Variants in SGCZ observed in about 807,000 individuals in gnomAD.
SGCZ encodes the protein zeta-sarcoglycan.
Under a neutral mutation model 41.3 loss-of-function variants are expected in SGCZ, and 40 were observed. That is an observed-to-expected ratio of 0.97 (90% confidence interval 0.75 to 1.26). The LOEUF (loss-of-function observed/expected upper bound fraction) is 1.26. Ranked by LOEUF, SGCZ falls within the 50% of genes most tolerant of loss-of-function variation. The pLI is 0.00. For missense variants in SGCZ, 552 were observed against 369.8 expected, an observed-to-expected ratio of 1.49 and a Z score of -4.04; for synonymous variants, 206 against 137.5, an observed-to-expected ratio of 1.50 and a Z score of -3.49.
chr8:14,853,553 AACAT>A (rs1351150699), intron 1 of SGCZ: 1 of 514,614 alleles, frequency 1.9e-6, no homozygotes, highest in Non-Finnish European at 4.1e-6. Context: ...AAATTATGCA[AACAT>A]AATCAAACAA....
chr8:14,517,356 C>T lies in SGCZ; in HGVS notation c.234+37376G>A, dbSNP rs544058697. Among the ~76,000 whole-genome samples, 7 of 152,168 alleles carry T rather than the reference C, an allele frequency of 4.6e-5. No homozygotes were observed. In the South Asian group the frequency reaches 1.5e-3, roughly 32 times the overall value. ...ATCTCTTTCATTTTAGTGCAGCAAA[C>T]TTTGTAACATCTAATAAACTACACT... On this transcript the variant is annotated intron_variant, in intron 2 of 7. Transcript: ENST00000382080.
intron 2 of SGCZ, among the ~76,000 whole-genome samples, chr8:14,499,619 C>T (rs1050453208): frequency 6.6e-6 from 1 of 152,034 alleles, no homozygotes; most frequent in African/African-American, 2.4e-5. Flanking sequence ...CACTGACTTT[C>T]ATTTGACAGG....
chr8:14,746,105 C>A (rs975485699), intron 1 of SGCZ, among the ~76,000 whole-genome samples: 2 of 151,898 alleles, frequency 1.3e-5, no homozygotes, highest in African/African-American at 2.4e-5. Flanking sequence ...CCATAAATAT[C>A]GATCTATAAA....
At chr8:14,698,343 G>T (rs77223176) in intron 1 of SGCZ, among the ~76,000 whole-genome samples, 2,387 of 151,890 alleles carry the variant, frequency 0.016, 29 homozygotes, top group Middle Eastern at 0.038. Context: ...GCTGGACAAT[G>T]ATTTTTCTGG....
intron 2 of SGCZ, among the ~76,000 whole-genome samples, chr8:14,363,123 A>G (rs1476729580): frequency 6.6e-6 from 1 of 152,164 alleles, no homozygotes; most frequent in Admixed American, 6.5e-5. Flanking sequence ...TAAATGCAAA[A>G]TCATCCTTTG....
At chr8:15,076,440 G>C (rs1563488163) in intron 1 of SGCZ, among the ~76,000 whole-genome samples, 3 of 152,116 alleles carry the variant, frequency 2.0e-5, no homozygotes, top group African/African-American at 7.2e-5. Context: ...CAAATGCAAG[G>C]AGGAAAAAAC....
chr8:14,479,187 C>G (rs1471618523), intron 2 of SGCZ, among the ~76,000 whole-genome samples: 2 of 152,190 alleles, frequency 1.3e-5, no homozygotes, highest in Non-Finnish European at 2.9e-5. Context: ...AGTAGTGAAG[C>G]CGACAGCGCA....
chr8:14,103,098 T>C (rs1050701846), intron 6 of SGCZ, among the ~76,000 whole-genome samples: 7 of 152,070 alleles, frequency 4.6e-5, no homozygotes, highest in African/African-American at 1.7e-4. Flanking sequence ...CCCCGTGAAA[T>C]GTCCACAGAA....
intron 2 of SGCZ, among the ~76,000 whole-genome samples, chr8:14,371,279 A>G (rs1803900028): frequency 6.6e-6 from 1 of 152,022 alleles, no homozygotes; most frequent in African/African-American, 2.4e-5. Context: ...TGAATAAGAT[A>G]TCAGAAATAA....
At chr8:14,548,661 C>T (rs1359142395) in intron 2 of SGCZ, among the ~76,000 whole-genome samples, 1 of 152,022 alleles carries the variant, frequency 6.6e-6, no homozygotes, top group African/African-American at 2.4e-5. Flanking sequence ...CGTTACTGAC[C>T]TTTTTCAGCT....
At chr8:14,524,270 C>T (rs1240894379) in intron 2 of SGCZ, among the ~76,000 whole-genome samples, 2 of 151,656 alleles carry the variant, frequency 1.3e-5, no homozygotes, top group African/African-American at 2.4e-5. Context: ...GTATGTGCTG[C>T]CTTACTGATT....
At chr8:14,303,538 G>A (rs1429978778) in intron 3 of SGCZ, among the ~76,000 whole-genome samples, 2 of 152,062 alleles carry the variant, frequency 1.3e-5, no homozygotes, top group Admixed American at 1.3e-4. Flanking sequence ...CATTGCTTCA[G>A]TAAACAATAT....
intron 2 of SGCZ, among the ~76,000 whole-genome samples, chr8:14,345,325 G>A (rs947222206): frequency 1.1e-4 from 17 of 152,102 alleles, no homozygotes; most frequent in South Asian, 2.1e-4. Flanking sequence ...TATACTACCC[G>A]GTGAGAAGGC....
chr8:14,680,820 C>T (rs28536746), intron 1 of SGCZ, among the ~76,000 whole-genome samples: 30,225 of 151,546 alleles, frequency 0.2, 3,627 homozygotes, highest in East Asian at 0.44. Context: ...ATTAAACTCC[C>T]AAAGATGAAA....
rs1229345323 is a variant in SGCZ, at chr8:14,490,311, C to T, written c.234+64421G>A. Among the ~76,000 whole-genome samples, 39 of 152,154 alleles carry T rather than the reference C, an allele frequency of 2.6e-4. 1 individual carries two copies. The highest frequency in any genetic ancestry group is 5.4e-4 in the Non-Finnish European group (37 of 68,032). ...CTTCTTGCTCACCTAAATTTACCTA[C>T]GTTTTCTATGAATAGAGTAGTTTAG... On this transcript the variant is annotated intron_variant, in intron 2 of 7. Coordinates refer to ENST00000382080, the MANE Select transcript of SGCZ (RefSeq NM_139167.4).
intron 7 of SGCZ, among the ~76,000 whole-genome samples, chr8:14,102,146 G>T (rs1032186111): frequency 2.2e-4 from 32 of 148,314 alleles, no homozygotes; most frequent in Non-Finnish European, 5.9e-5. Context: ...CACCGTGTTA[G>T]CCAGGATGTT....
At chr8:14,813,652 A>T (rs562137131) in intron 1 of SGCZ, among the ~76,000 whole-genome samples, 132 of 152,214 alleles carry the variant, frequency 8.7e-4, no homozygotes, top group Middle Eastern at 3.4e-3. Context: ...CTATAAACTT[A>T]AAATAATAAT....
chr8:15,195,736 C>T (rs891342707), intron 1 of SGCZ, among the ~76,000 whole-genome samples: 3 of 151,904 alleles, frequency 2.0e-5, no homozygotes, highest in Admixed American at 6.6e-5. Context: ...TTACGACAAC[C>T]GATTTTTCAT....
intron 2 of SGCZ, among the ~76,000 whole-genome samples, chr8:14,346,025 G>A (rs1802880923): frequency 1.3e-5 from 2 of 151,990 alleles, no homozygotes; most frequent in South Asian, 4.1e-4. Context: ...TTGTATATTT[G>A]TCAAACCCCC....
Sources: allele counts gnomAD v4.1 joint callset (sites outside exome capture counted in the v4.1 genomes callset), GRCh38; gene constraint gnomAD v4.1.1; transcripts MANE v1.5; gene names NCBI Gene and HGNC (gene_info 2026-07-23, HGNC 2026-07-21).